Variants in USP8 observed in about 807,000 individuals in gnomAD.
USP8 encodes the protein ubiquitin carboxyl-terminal hydrolase 8.
USP8 carries 27 observed loss-of-function variants against 130.0 expected under a neutral mutation model. The observed-to-expected ratio is 0.21, with a 90% CI of 0.15 to 0.29. USP8 has a LOEUF of 0.29. USP8 is among the 10% of genes least tolerant of loss of function. The probability of loss-of-function intolerance (pLI) is 1.00; values close to 1 mark genes in which losing one functional copy is unlikely to be tolerated. For missense variants in USP8, 1,029 were observed against 1,312.2 expected (o/e 0.78, Z 3.33); for synonymous variants, 392 against 444.1 (o/e 0.88, Z 1.48).
intron 1 of USP8, among the ~76,000 whole-genome samples, chr15:50,430,751 C>T (rs1225567377): frequency 1.3e-5 from 2 of 152,186 alleles, no homozygotes; most frequent in Non-Finnish European, 2.9e-5. Context: ...TCTGCTCTCA[C>T]ATATAACTGA....
intron 11 of USP8, among the ~76,000 whole-genome samples, chr15:50,483,726 A>C (rs1229211035): frequency 2.0e-5 from 3 of 152,132 alleles, no homozygotes; most frequent in African/African-American, 7.2e-5. Context: ...CCCATGAGGC[A>C]GAGGTTGCAG....
At chr15:50,465,319 C>T in intron 7 of USP8, 128 bp downstream of exon 7, 1 of 460,414 alleles carries the variant, frequency 2.2e-6, no homozygotes, top group Non-Finnish European at 3.3e-6. Context: ...CTTTTTAAAT[C>T]TTTGCCTCTT....
In USP8 at chr15:50,499,380, ATTG is replaced by A. The variant is rs756328023; in HGVS notation, c.*295_*297del. On this transcript the variant is annotated 3_prime_UTR_variant, in exon 20 of 20. Transcript: ENST00000307179. ...TTATTATTCGACTGGTCTAAAAACT[ATTG>A]TTATCTTTTTTTTTTCCTTTTCACT... is the stretch of plus-strand genomic sequence containing the variant. 108 of 218,112 alleles carry A rather than the reference ATTG, an allele frequency of 5.0e-4. 1 individual carries two copies. Among genetic ancestry groups the A allele is most frequent in the African/African-American group, 2.5e-3 (89 of 36,276 alleles). 13.5% of individuals were successfully genotyped at this position (218,112 alleles called of 1,614,324 possible). A position where few individuals can be genotyped will look rare whatever the true frequency, so the allele number is the denominator to read the frequency against.
chr15:50,484,613 A>T (rs2051888536), intron 12 of USP8, among the ~76,000 whole-genome samples: 1 of 152,232 alleles, frequency 6.6e-6, no homozygotes, highest in Non-Finnish European at 1.5e-5. Context: ...AAAAATGTTT[A>T]GGCCTTACCA....
chr15:50,459,996 C>CCCCCCT (rs567135111), intron 5 of USP8, among the ~76,000 whole-genome samples: 10 of 91,986 alleles, frequency 1.1e-4, no homozygotes, highest in East Asian at 7.2e-4. Flanking sequence ...CACCCCCCCC[C>CCCCCCT]TTTTTTTTTT....
intron 17 of USP8, among the ~76,000 whole-genome samples, chr15:50,496,399 T>G (rs573680032): frequency 1.3e-5 from 2 of 148,976 alleles, no homozygotes; most frequent in Non-Finnish European, 3.0e-5. Context: ...GAGAATGGCG[T>G]GAACCCTGGA....
rs35172083 is a variant in USP8, at chr15:50,469,831, A to ATTTT, written c.687-1786_687-1783dup. On this transcript the variant is annotated intron_variant, in intron 7 of 19. Coordinates refer to ENST00000307179, the MANE Select transcript of USP8 (RefSeq NM_005154.5). ...TTCACTCATTCAATTATTAAATCCA[A>ATTTT]TTTTTTTTTTTTTTTTTTTGAGACA... is the stretch of plus-strand genomic sequence containing the variant. Among the ~76,000 whole-genome samples the ATTTT allele has an allele frequency of 4.3e-4, 59 of 136,068 alleles. 1 individual carries two copies. Among genetic ancestry groups the ATTTT allele is most frequent in the Admixed American group, 7.0e-4 (9 of 12,800 alleles). The allele number at this position is 136,068 out of a possible 152,430, so 89.3% of individuals were successfully genotyped here.
At chr15:50,457,291 C>T (rs3098166) in intron 4 of USP8, among the ~76,000 whole-genome samples, 9,289 of 152,142 alleles carry the variant, frequency 0.061, 366 homozygotes, top group African/African-American at 0.11. Context: ...TGCGGTGGCT[C>T]ACACACCTGT....
intron 5 of USP8, 23 bp downstream of exon 5, chr15:50,459,185 G>T (rs374216790): frequency 2.6e-5 from 42 of 1,589,914 alleles, no homozygotes; most frequent in Non-Finnish European, 3.4e-5. Context: ...TAATGTGTGA[G>T]TTAAAAGACT....
intron 3 of USP8, among the ~76,000 whole-genome samples, chr15:50,446,704 T>C (rs2050452457): frequency 1.3e-5 from 2 of 152,220 alleles, no homozygotes; most frequent in African/African-American, 4.8e-5. Context: ...ATTTAGGCTT[T>C]AGAAGAATCA....
At chr15:50,449,123 A>G (rs955649501) in intron 3 of USP8, among the ~76,000 whole-genome samples, 3 of 152,266 alleles carry the variant, frequency 2.0e-5, no homozygotes, top group Non-Finnish European at 4.4e-5. Flanking sequence ...TTACTCAAAA[A>G]TAACAATGTT....
chr15:50,481,343 T>C (rs984352916), intron 10 of USP8, 138 bp from the exon 11 acceptor site: 20 of 564,056 alleles, frequency 3.5e-5, no homozygotes, highest in Admixed American at 2.7e-4. Context: ...ATCTTGACAC[T>C]GAGTAATTAA....
chr15:50,427,512 ATAT>A (rs1344554688), intron 1 of USP8, among the ~76,000 whole-genome samples: 1 of 151,972 alleles, frequency 6.6e-6, no homozygotes, highest in Non-Finnish European at 1.5e-5. Context: ...GAATGATGAA[ATAT>A]TATATTAAAC....
chr15:50,457,893 GAAAA>G (rs936019860), intron 4 of USP8, among the ~76,000 whole-genome samples: 5 of 144,132 alleles, frequency 3.5e-5, no homozygotes, highest in Admixed American at 7.1e-5. Context: ...AAAAAAAAAA[GAAAA>G]AAAGAGCATA....
At chr15:50,471,583 T>C (rs1346634013) in intron 7 of USP8, 50 bp from the exon 8 acceptor site, 2 of 1,589,064 alleles carry the variant, frequency 1.3e-6, no homozygotes, top group Admixed American at 3.6e-5. Context: ...GTTAGTATAT[T>C]AGGACCTCTT....
At chr15:50,463,082 C>T (rs2141282698) in intron 6 of USP8, among the ~76,000 whole-genome samples, 1 of 152,180 alleles carries the variant, frequency 6.6e-6, no homozygotes, top group East Asian at 1.9e-4. Context: ...ACCCCTGTCT[C>T]TACAAAAAAT....
chr15:50,453,214 T>C (rs1172163436), intron 4 of USP8, among the ~76,000 whole-genome samples: 8 of 152,262 alleles, frequency 5.3e-5, no homozygotes, highest in African/African-American at 1.7e-4. Context: ...ACATCTGTTT[T>C]TGTAAAATTC....
chr15:50,471,831 A>G, intron 8 of USP8, 36 bp downstream of exon 8: 3 of 1,608,136 alleles, frequency 1.9e-6, no homozygotes, highest in Non-Finnish European at 2.5e-6. Context: ...TTGTAATTGC[A>G]GGGCATCTCT....
chr15:50,469,251 C>A (rs1226087277), intron 7 of USP8, among the ~76,000 whole-genome samples: 1 of 152,008 alleles, frequency 6.6e-6, no homozygotes, highest in Admixed American at 6.5e-5. Flanking sequence ...TAGGGCTATA[C>A]AATTTCCTAT....
Sources: allele counts gnomAD v4.1 joint callset (sites outside exome capture counted in the v4.1 genomes callset), GRCh38; gene constraint gnomAD v4.1.1; transcripts MANE v1.5; gene names NCBI Gene and HGNC (gene_info 2026-07-23, HGNC 2026-07-21).